GPC4: variants seen among roughly 807,000 people sequenced by gnomAD.
GPC4 encodes the protein glypican-4.
In GPC4, 10 loss-of-function variants were observed where a neutral mutation model predicts 35.0. That is an observed-to-expected ratio of 0.29 (90% CI 0.18 to 0.48). The LOEUF (loss-of-function observed/expected upper bound fraction) is 0.48, where lower values mean the gene tolerates loss of function less well. GPC4 is among the 20% of genes least tolerant of loss of function. GPC4 has a pLI of 0.99. For missense variants in GPC4, 322 were observed against 451.3 expected, an observed-to-expected ratio of 0.71 and a Z score of 2.60; for synonymous variants, 167 against 170.2, an observed-to-expected ratio of 0.98 and a Z score of 0.15.
chrX:133,311,243 T>TA lies in GPC4; in HGVS notation c.877+14dup. On this transcript the variant is annotated intron_variant, in intron 4 of 8. Transcript: ENST00000370828. ...GCTATCTCCAGCAACACAAATATGT[T>TA]AACCACTTGCTCACCTATGAAATTG... 1 of 1,207,153 alleles carries TA rather than the reference T, an allele frequency of 8.3e-7. No individual in the cohort carries two copies. The highest frequency in any genetic ancestry group is 1.7e-5 in the African/African-American group (1 of 57,844).
chrX:133,335,447 ACACACACACATACACACACACACACG>A (rs1466271323), intron 2 of GPC4, among the ~76,000 whole-genome samples: 1 of 111,007 alleles, frequency 9.0e-6, no homozygotes, highest in East Asian at 2.8e-4. Context: ...AAATCCGAAC[ACACACACACATACACACACACACACG>A]CACACACACG....
intron 3 of GPC4, among the ~76,000 whole-genome samples, chrX:133,316,058 T>G (rs373445263): frequency 1.8e-5 from 2 of 111,910 alleles, no homozygotes; most frequent in Admixed American, 9.5e-5. Context: ...GCTTTTATGG[T>G]TTCGTGGTCA....
Position 133,326,022 on chromosome X carries a change from GT to G in GPC4, c.320-1487del, listed in dbSNP as rs11427613. On this transcript the variant is annotated intron_variant, in intron 2 of 8. Coordinates refer to ENST00000370828, the MANE Select transcript of GPC4 (RefSeq NM_001448.3). ...TTCAAACATTGTAGGTATGGCTTGTGTTTTTTTTTTTTCTTTGCTTCTCTCC... is the reference window on the plus strand; with the variant it reads ...TTCAAACATTGTAGGTATGGCTTGTGTTTTTTTTTTTCTTTGCTTCTCTCC... 7.2e-4 allele frequency among the ~76,000 whole-genome samples: 72 copies of G among 100,667 alleles called. No homozygotes were observed. In the East Asian group the frequency reaches 7.5e-3, roughly 11 times the overall value. The allele number at this position is 100,667 out of a possible 115,157, so 87.4% of individuals were successfully genotyped here.
intron 4 of GPC4, 113 bp from the exon 5 acceptor site, chrX:133,306,267 G>C (rs926000071): frequency 1.2e-6 from 1 of 806,265 alleles, no homozygotes; most frequent in Non-Finnish European, 1.8e-6. Context: ...GGGGGCAGGG[G>C]AAGTAAGGCA....
chrX:133,342,422 G>A (rs1392222117), intron 1 of GPC4, among the ~76,000 whole-genome samples: 1 of 111,683 alleles, frequency 9.0e-6, no homozygotes, highest in Non-Finnish European at 1.9e-5. Context: ...AATGGTGAAA[G>A]GCTTGCCTTA....
chrX:133,302,085 T>C lies in GPC4; in HGVS notation c.*782A>G, dbSNP rs1484806014. 1 of 112,316 alleles carries C rather than the reference T, an allele frequency of 8.9e-6. No individual in the cohort carries two copies. Among genetic ancestry groups the C allele is most frequent in the East Asian group, 2.8e-4 (1 of 3,588 alleles). The allele number at this position is 112,316 out of a possible 1,213,427, so 9.3% of individuals were successfully genotyped here. ...AGGGGGATGATATCCAGAATCTTTT[T>C]CTAAATGGGTTACATTTTATGTATA... On this transcript the variant is annotated 3_prime_UTR_variant, in exon 9 of 9. Transcript: ENST00000370828.
intron 1 of GPC4, among the ~76,000 whole-genome samples, chrX:133,397,831 C>T (rs1322550448): frequency 2.7e-5 from 3 of 111,965 alleles, no homozygotes; most frequent in African/African-American, 9.7e-5. Flanking sequence ...GAGGCCAAGG[C>T]GGGCAGATCA....
At chrX:133,361,069 A>AACT (rs1290084153) in intron 1 of GPC4, among the ~76,000 whole-genome samples, 2 of 112,388 alleles carry the variant, frequency 1.8e-5, no homozygotes, top group Non-Finnish European at 3.8e-5. Context: ...GAAGTAAGAT[A>AACT]ACTAAGACAT....
At chrX:133,408,250 G>C (rs1296432128) in intron 1 of GPC4, among the ~76,000 whole-genome samples, 1 of 111,989 alleles carries the variant, frequency 8.9e-6, no homozygotes, top group Non-Finnish European at 1.9e-5. Flanking sequence ...AAAATATTCT[G>C]ATACCCTTCA....
rs760203925 is a variant in GPC4, at chrX:133,304,883, C to A, written c.1156-22G>T. ...TAACCTAATTATGAAACAACAACAA[C>A]AAAAAAAGATCATTGTAAGACAAGA... is the stretch of plus-strand genomic sequence containing the variant. On this transcript the variant is annotated intron_variant, in intron 6 of 8. Coordinates refer to ENST00000370828, the MANE Select transcript of GPC4 (RefSeq NM_001448.3). 40 of 1,199,016 alleles carry A rather than the reference C, an allele frequency of 3.3e-5. No individual in the cohort carries two copies. The East Asian group carries it at 5.3e-4, about 16-fold the overall frequency.
intron 1 of GPC4, among the ~76,000 whole-genome samples, chrX:133,403,537 G>GT (rs1397803673): frequency 9.0e-6 from 1 of 111,506 alleles, no homozygotes; most frequent in Non-Finnish European, 1.9e-5. Flanking sequence ...GAAGAATAGA[G>GT]TAAGAGCACA....
At chrX:133,351,097 T>C (rs763043491) in intron 1 of GPC4, among the ~76,000 whole-genome samples, 3 of 112,786 alleles carry the variant, frequency 2.7e-5, no homozygotes, top group South Asian at 7.4e-4. Context: ...AGGCTCTTTG[T>C]TATTTAGAAA....
intron 4 of GPC4, among the ~76,000 whole-genome samples, chrX:133,310,008 A>G (rs2068307603): frequency 8.9e-6 from 1 of 111,755 alleles, no homozygotes; most frequent in African/African-American, 3.3e-5. Flanking sequence ...TATTTAGGCT[A>G]CAATTGTGCT....
chrX:133,390,936 G>A (rs1193653173), intron 1 of GPC4, among the ~76,000 whole-genome samples: 1 of 111,761 alleles, frequency 8.9e-6, no homozygotes, highest in Non-Finnish European at 1.9e-5. Context: ...CCGCCTGGCA[G>A]TGATGTTTAT....
chrX:133,395,843 T>C (rs1188539754), intron 1 of GPC4, among the ~76,000 whole-genome samples: 2 of 110,950 alleles, frequency 1.8e-5, no homozygotes, highest in African/African-American at 6.6e-5. Flanking sequence ...TAGCCCCTTA[T>C]GTTCTTAATG....
At chrX:133,321,116 T>C (rs1314982150) in intron 3 of GPC4, among the ~76,000 whole-genome samples, 5 of 112,089 alleles carry the variant, frequency 4.5e-5, no homozygotes, top group Non-Finnish European at 5.6e-5. Flanking sequence ...GTTGCATAAG[T>C]AAGGGTGTCT....
At chrX:133,322,466 C>T (rs1382186711) in intron 3 of GPC4, among the ~76,000 whole-genome samples, 1 of 103,225 alleles carries the variant, frequency 9.7e-6, no homozygotes, top group Non-Finnish European at 2.0e-5. Flanking sequence ...ATTAGTGACA[C>T]CTGTTGTCGT....
intron 7 of GPC4, among the ~76,000 whole-genome samples, chrX:133,303,768 C>G (rs1469466320): frequency 9.0e-6 from 1 of 110,800 alleles, no homozygotes; most frequent in African/African-American, 3.3e-5. Flanking sequence ...AGGAGAATCA[C>G]TTGAACCCAG....
At chrX:133,359,822 A>C (rs1738693739) in intron 1 of GPC4, among the ~76,000 whole-genome samples, 1 of 111,608 alleles carries the variant, frequency 9.0e-6, no homozygotes. Context: ...CTCAAGGGTG[A>C]AACTGTTTTG....
Sources: allele counts gnomAD v4.1 joint callset (sites outside exome capture counted in the v4.1 genomes callset), GRCh38; gene constraint gnomAD v4.1.1; transcripts MANE v1.5; gene names NCBI Gene and HGNC (gene_info 2026-07-23, HGNC 2026-07-21).